Variants in ARID2 observed in about 807,000 individuals in gnomAD.
ARID2 encodes the protein AT-rich interaction domain 2.
A neutral mutation model predicts 184.6 loss-of-function variants in ARID2; 32 were observed. The ratio of observed to expected loss-of-function variants is 0.17; its 90% CI spans 0.13 to 0.23. The LOEUF (loss-of-function observed/expected upper bound fraction) is 0.23. ARID2 is among the 10% of genes least tolerant of loss of function. The pLI, the probability that ARID2 is intolerant of heterozygous loss-of-function variation, is 1.00. For missense variants in ARID2, 1,696 were observed against 2,197.6 expected (o/e 0.77, Z 4.56); for synonymous variants, 836 against 772.6 (o/e 1.08, Z -1.36).
chr12:45,897,518 T>G (rs1944385403), intron 20 of ARID2, among the ~76,000 whole-genome samples: 1 of 152,292 alleles, frequency 6.6e-6, no homozygotes, highest in East Asian at 1.9e-4. Flanking sequence ...TCAGAATATA[T>G]AGAGAATGCC....
At chr12:45,796,472 G>T (rs749691708) in intron 3 of ARID2, among the ~76,000 whole-genome samples, 6 of 151,636 alleles carry the variant, frequency 4.0e-5, no homozygotes, top group Admixed American at 2.0e-4. Context: ...AATCTATAAC[G>T]ATGTCTTTGA....
intron 3 of ARID2, among the ~76,000 whole-genome samples, chr12:45,808,587 A>G (rs1942643108): frequency 6.6e-6 from 1 of 152,164 alleles, no homozygotes; most frequent in African/African-American, 2.4e-5. Context: ...TATATGGTTT[A>G]TTATGAGTAT....
chr12:45,905,295 A>G lies in ARID2; in HGVS notation c.*217A>G. ...TAAAAAGAAAAAGGAAAAAAAAAAA[A>G]GAACTGCTGTGGGATTGTCAACCAG... is the stretch of plus-strand genomic sequence containing the variant. On this transcript the variant is annotated 3_prime_UTR_variant, in exon 21 of 21. Transcript: ENST00000334344. The G allele has an allele frequency of 2.3e-6, 1 of 432,206 alleles. No individual in the cohort carries two copies. The highest frequency in any genetic ancestry group is 2.0e-5 in the African/African-American group (1 of 50,138). 26.8% of individuals were successfully genotyped at this position (432,206 alleles called of 1,614,324 possible). A position where few individuals can be genotyped will look rare whatever the true frequency, so the allele number is the denominator to read the frequency against.
intron 3 of ARID2, among the ~76,000 whole-genome samples, chr12:45,773,291 AAAAG>A (rs1941912995): frequency 6.6e-6 from 1 of 152,102 alleles, no homozygotes; most frequent in Non-Finnish European, 1.5e-5. Context: ...TGTCTATTAA[AAAAG>A]AAGAAAAATC....
chr12:45,768,875 A>G lies in ARID2; in HGVS notation c.284+37561A>G, dbSNP rs1333557266. On this transcript the variant is annotated intron_variant, in intron 3 of 20. Coordinates refer to ENST00000334344, the MANE Select transcript of ARID2 (RefSeq NM_152641.4). ...AATCAGCCAGCAATTGGTGATGCCT[A>G]ACAACTGGATGTGGTCAAAGAAAGA... 3.3e-5 allele frequency among the ~76,000 whole-genome samples: 5 copies of G among 152,314 alleles called. 1 individual carries two copies. Among genetic ancestry groups the G allele is most frequent in the Admixed American group, 2.0e-4 (3 of 15,308 alleles).
At chr12:45,738,346 TCTCTGTCA>T (rs1276633334) in intron 3 of ARID2, among the ~76,000 whole-genome samples, 6 of 152,210 alleles carry the variant, frequency 3.9e-5, no homozygotes, top group Non-Finnish European at 7.3e-5. Flanking sequence ...ACGGAGTTGC[TCTCTGTCA>T]CTCAGGCTGG....
chr12:45,880,690 C>T (rs935129867), intron 16 of ARID2, among the ~76,000 whole-genome samples: 1 of 152,192 alleles, frequency 6.6e-6, no homozygotes, highest in Non-Finnish European at 1.5e-5. Context: ...AGCACATGCT[C>T]AACACTTAAC....
chr12:45,735,418 CGTGTGTGTGTGTGT>C (rs56133410), intron 3 of ARID2, among the ~76,000 whole-genome samples: 25 of 141,320 alleles, frequency 1.8e-4, no homozygotes, highest in Admixed American at 9.9e-4. Context: ...TAAACTGTAT[CGTGTGTGTGTGTGT>C]GTGTGTGTGT....
chr12:45,890,326 T>A (rs1944280292), intron 16 of ARID2, among the ~76,000 whole-genome samples: 1 of 152,240 alleles, frequency 6.6e-6, no homozygotes, highest in Non-Finnish European at 1.5e-5. Context: ...ATTAATTGTA[T>A]GTATTGAAAA....
chr12:45,752,235 AT>A (rs540131463), intron 3 of ARID2, among the ~76,000 whole-genome samples: 2 of 152,232 alleles, frequency 1.3e-5, no homozygotes, highest in East Asian at 3.9e-4. Flanking sequence ...ATCTTGGCGT[AT>A]TTTTTTCTAG....
intron 3 of ARID2, among the ~76,000 whole-genome samples, chr12:45,756,971 A>G (rs1041053931): frequency 1.3e-5 from 2 of 152,250 alleles, no homozygotes; most frequent in Non-Finnish European, 2.9e-5. Flanking sequence ...TGGTATTCAC[A>G]GCAAGTTCAG....
At chr12:45,769,697 C>T (rs1423213070) in intron 3 of ARID2, among the ~76,000 whole-genome samples, 1 of 152,114 alleles carries the variant, frequency 6.6e-6, no homozygotes, top group Non-Finnish European at 1.5e-5. Flanking sequence ...ATGTCTTGGA[C>T]CCTCAGTGAA....
At chr12:45,857,432 CCAATAG>C (rs2138188339) in intron 15 of ARID2, among the ~76,000 whole-genome samples, 1 of 152,154 alleles carries the variant, frequency 6.6e-6, no homozygotes, top group South Asian at 2.1e-4. Flanking sequence ...GATTTGTAGA[CCAATAG>C]CACATTATAA....
chr12:45,892,499 C>T (rs1420401196), intron 18 of ARID2, among the ~76,000 whole-genome samples: 1 of 152,086 alleles, frequency 6.6e-6, no homozygotes, highest in East Asian at 1.9e-4. Flanking sequence ...TATATACACA[C>T]ACATATAAAC....
At chr12:45,747,848 T>C (rs1592052111) in intron 3 of ARID2, among the ~76,000 whole-genome samples, 2 of 152,284 alleles carry the variant, frequency 1.3e-5, no homozygotes, top group Middle Eastern at 3.4e-3. Flanking sequence ...CCTATCTGTC[T>C]TCACAAGCTA....
intron 16 of ARID2, among the ~76,000 whole-genome samples, chr12:45,877,480 C>T (rs1944028019): frequency 6.6e-6 from 1 of 151,838 alleles, no homozygotes; most frequent in Admixed American, 6.6e-5. Context: ...CACAGGGCTC[C>T]CATTGATTCT....
chr12:45,813,458 TAA>T (rs56373880), intron 4 of ARID2, among the ~76,000 whole-genome samples: 75 of 138,270 alleles, frequency 5.4e-4, no homozygotes, highest in South Asian at 2.1e-3. Context: ...GCATGTGTTC[TAA>T]AAAAAAAAAA....
chr12:45,783,488 A>G (rs927743822), intron 3 of ARID2, among the ~76,000 whole-genome samples: 1 of 152,234 alleles, frequency 6.6e-6, no homozygotes, highest in Admixed American at 6.5e-5. Context: ...GTGGTCCCCA[A>G]CCTTTTTGGC....
At chr12:45,759,212 G>A (rs1941628917) in intron 3 of ARID2, among the ~76,000 whole-genome samples, 1 of 152,026 alleles carries the variant, frequency 6.6e-6, no homozygotes, top group Non-Finnish European at 1.5e-5. Context: ...GTAACTTATG[G>A]GTGTAAGAAT....
Sources: gnomAD v4.1 joint callset for allele counts (sites outside exome capture counted in the v4.1 genomes callset) on GRCh38, gnomAD v4.1.1 for gene constraint, MANE v1.5 for transcripts, NCBI Gene and HGNC (gene_info 2026-07-23, HGNC 2026-07-21) for gene names.